INPP4B: variants seen among roughly 807,000 people sequenced by gnomAD.
The protein encoded by INPP4B is inositol polyphosphate 4-phosphatase type II.
A neutral mutation model predicts 122.5 loss-of-function variants in INPP4B; 55 were observed. The observed-to-expected ratio is 0.45, with a 90% CI of 0.36 to 0.56. The LOEUF is 0.56. Ranked by LOEUF, INPP4B falls within the 20% of genes least tolerant of loss-of-function variation. The pLI is 0.00. For synonymous variants in INPP4B, 403 were observed against 388.7 expected, an observed-to-expected ratio of 1.04 and a Z score of -0.43; for missense variants, 1,000 against 1,097.7, an observed-to-expected ratio of 0.91 and a Z score of 1.26.
intron 14 of INPP4B, among the ~76,000 whole-genome samples, chr4:142,194,648 C>T (rs1837404634): frequency 6.6e-6 from 1 of 152,080 alleles, no homozygotes; most frequent in Admixed American, 6.6e-5. Flanking sequence ...GTCTAAAACC[C>T]CAAGGATTTT....
chr4:142,463,711 G>C (rs566000304), intron 2 of INPP4B, among the ~76,000 whole-genome samples: 50 of 152,150 alleles, frequency 3.3e-4, no homozygotes, highest in African/African-American at 1.1e-3. Context: ...CTGCTGTTCT[G>C]GTGATAGTGA....
intron 18 of INPP4B, among the ~76,000 whole-genome samples, chr4:142,141,996 G>A (rs1208951796): frequency 2.6e-5 from 4 of 151,908 alleles, no homozygotes; most frequent in Non-Finnish European, 5.9e-5. Context: ...ATTTAAAATA[G>A]ATACAGAATC....
intron 1 of INPP4B, among the ~76,000 whole-genome samples, chr4:142,739,228 C>T (rs934021237): frequency 1.3e-5 from 2 of 151,974 alleles, no homozygotes; most frequent in Non-Finnish European, 2.9e-5. Context: ...ACTGTTTTAA[C>T]GAAATTCTAG....
chr4:142,596,714 G>A (rs937378229), intron 2 of INPP4B, among the ~76,000 whole-genome samples: 4 of 152,190 alleles, frequency 2.6e-5, no homozygotes, highest in African/African-American at 9.6e-5. Flanking sequence ...AAAATACCAA[G>A]TTTTAAAGAC....
chr4:142,475,859 T>C (rs949184774), intron 2 of INPP4B, among the ~76,000 whole-genome samples: 2 of 152,162 alleles, frequency 1.3e-5, no homozygotes, highest in Admixed American at 1.3e-4. Flanking sequence ...AAAGAGATCA[T>C]ATCTATGACT....
intron 9 of INPP4B, among the ~76,000 whole-genome samples, chr4:142,302,633 ATGGT>A (rs1761912994): frequency 6.6e-6 from 1 of 152,268 alleles, no homozygotes; most frequent in South Asian, 2.1e-4. Context: ...CACAAAGCAC[ATGGT>A]TGGTTATTGT....
At position 142,159,919 on chromosome 4, in the gene INPP4B, G is replaced by A. The variant is rs575376490; in HGVS notation, c.1563+439C>T. 3.2e-4 allele frequency among the ~76,000 whole-genome samples: 49 copies of A among 152,036 alleles called. No homozygotes were observed. The South Asian group carries it at 9.3e-3, about 29-fold the overall frequency. ...CGAGAGGGATTTGCGAGATATCTAT[G>A]TCTATTGTCGTTTAAATGTGAATAC... On this transcript the variant is annotated intron_variant, in intron 17 of 25. Transcript: ENST00000262992.
intron 1 of INPP4B, among the ~76,000 whole-genome samples, chr4:142,830,750 A>T (rs1323408010): frequency 6.6e-6 from 1 of 151,116 alleles, no homozygotes; most frequent in Non-Finnish European, 1.5e-5. Flanking sequence ...GCAGTGACTC[A>T]TGCTTGTAAC....
intron 2 of INPP4B, among the ~76,000 whole-genome samples, chr4:142,505,742 C>T (rs1823943200): frequency 2.0e-5 from 3 of 152,104 alleles, no homozygotes; most frequent in African/African-American, 7.2e-5. Flanking sequence ...TGATTGGAAA[C>T]CATGCTACTA....
chr4:142,034,525 T>C (rs548913343), intron 25 of INPP4B, among the ~76,000 whole-genome samples: 117 of 152,046 alleles, frequency 7.7e-4, no homozygotes, highest in African/African-American at 2.7e-3. Flanking sequence ...GCAACCCCCA[T>C]AAACAATGCC....
intron 12 of INPP4B, among the ~76,000 whole-genome samples, chr4:142,230,053 G>A (rs763603105): frequency 9.2e-5 from 14 of 152,076 alleles, no homozygotes; most frequent in Non-Finnish European, 1.8e-4. Context: ...GTAAGGGTTC[G>A]TGTATTCATT....
At chr4:142,354,108 G>A (rs975173401) in intron 7 of INPP4B, among the ~76,000 whole-genome samples, 12 of 151,904 alleles carry the variant, frequency 7.9e-5, no homozygotes, top group African/African-American at 2.9e-4. Context: ...CCAGTCAGCT[G>A]CAAAGATCTC....
Position 142,245,779 on chromosome 4 carries a change from TATATGTGTGTATGTATAC to T in INPP4B, c.689-7786_689-7769del, listed in dbSNP as rs1312546848. 4.6e-4 allele frequency among the ~76,000 whole-genome samples: 64 copies of T among 139,296 alleles called. 1 individual carries two copies. The highest frequency in any genetic ancestry group is 1.3e-3 in the African/African-American group (41 of 31,484). The allele number at this position is 139,296 out of a possible 152,430, so 91.4% of individuals were successfully genotyped here. The stretch of plus-strand genomic sequence containing the variant: ...ATATATATGTATATGTGTGTATATA[TATATGTGTGTATGTATAC>T]ATATATATGTGTATGTATACATATA... On this transcript the variant is annotated intron_variant, in intron 11 of 25. Coordinates refer to ENST00000262992, the MANE Select transcript of INPP4B (RefSeq NM_001101669.3).
chr4:142,089,891 A>T (rs927572147), intron 23 of INPP4B, among the ~76,000 whole-genome samples: 1 of 152,152 alleles, frequency 6.6e-6, no homozygotes, highest in African/African-American at 2.4e-5. Flanking sequence ...GACTGAAGTG[A>T]CTTTTTCACA....
intron 2 of INPP4B, chr4:142,654,685 C>T (rs902585860): frequency 6.6e-6 from 1 of 152,160 alleles, no homozygotes; most frequent in African/African-American, 2.4e-5. Context: ...TTCCATCTAA[C>T]ATTACAAAGG....
intron 24 of INPP4B, 53 bp from the exon 25 acceptor site, chr4:142,082,238 T>C: frequency 7.0e-7 from 1 of 1,420,782 alleles, no homozygotes; most frequent in East Asian, 2.3e-5. Context: ...TACCGTAAAG[T>C]GTCGGCCTCC....
intron 5 of INPP4B, among the ~76,000 whole-genome samples, chr4:142,416,216 G>A (rs1214082965): frequency 6.6e-6 from 1 of 152,136 alleles, no homozygotes; most frequent in East Asian, 1.9e-4. Context: ...ATAGGGGCCT[G>A]GAATGTTGTC....
At chr4:142,835,807 G>A (rs1350627663) in intron 1 of INPP4B, among the ~76,000 whole-genome samples, 1 of 152,136 alleles carries the variant, frequency 6.6e-6, no homozygotes, top group African/African-American at 2.4e-5. Context: ...TTAGGTTAAT[G>A]TAAATAAAAT....
At chr4:142,729,668 A>G (rs1448760862) in intron 1 of INPP4B, among the ~76,000 whole-genome samples, 2 of 152,106 alleles carry the variant, frequency 1.3e-5, no homozygotes, top group African/African-American at 2.4e-5. Flanking sequence ...CTCACCTCCA[A>G]TCACTGGAGA....
Sources: allele counts gnomAD v4.1 joint callset (sites outside exome capture counted in the v4.1 genomes callset), GRCh38; gene constraint gnomAD v4.1.1; transcripts MANE v1.5; gene names NCBI Gene and HGNC (gene_info 2026-07-23, HGNC 2026-07-21).